EHMT1: variants seen among roughly 807,000 people sequenced by gnomAD.
EHMT1 encodes the protein histone-lysine N-methyltransferase EHMT1.
Under a neutral mutation model 147.2 loss-of-function variants are expected in EHMT1, and 15 were observed. That is an observed-to-expected ratio of 0.10 (90% CI 0.07 to 0.16). EHMT1 has a LOEUF of 0.16. Among genes scored for constraint, EHMT1 ranks in the 10% least tolerant of loss-of-function variants. EHMT1 has a pLI of 1.00. For synonymous variants in EHMT1, 795 were observed against 709.6 expected (o/e 1.12, Z -1.91); for missense variants, 1,587 against 1,772.4 (o/e 0.90, Z 1.88).
At position 137,816,437 on chromosome 9, in the gene EHMT1, C is replaced by T. The variant is rs2132768044; in HGVS notation, c.3374+375C>T. The T allele has an allele frequency of 8.6e-6, 3 of 349,818 alleles. No individual in the cohort carries two copies. In the East Asian group the frequency reaches 2.2e-4, roughly 26 times the overall value. 21.7% of individuals were successfully genotyped at this position (349,818 alleles called of 1,614,324 possible). A position where few individuals can be genotyped will look rare whatever the true frequency, so the allele number is the denominator to read the frequency against. ...ACTCCAGTCATTTTCTAAATATTCT[C>T]TGTTCTCTGGGCTTCCCTAACAGTG... On this transcript the variant is annotated intron_variant, in intron 23 of 26. Transcript: ENST00000460843.
intron 1 of EHMT1, among the ~76,000 whole-genome samples, chr9:137,650,000 T>G (rs1429175443): frequency 6.6e-6 from 1 of 152,212 alleles, no homozygotes; most frequent in African/African-American, 2.4e-5. Context: ...GGACAACCTT[T>G]GAGGAACTGT....
intron 15 of EHMT1, among the ~76,000 whole-genome samples, chr9:137,783,148 G>A (rs1017953569): frequency 6.6e-6 from 1 of 152,238 alleles, no homozygotes; most frequent in Admixed American, 6.5e-5. Context: ...TTTGGTGCAT[G>A]TGCTGTGCCC....
At chr9:137,639,539 A>G (rs1326482086) in intron 1 of EHMT1, among the ~76,000 whole-genome samples, 1 of 152,032 alleles carries the variant, frequency 6.6e-6, no homozygotes, top group African/African-American at 2.4e-5. Flanking sequence ...GGGTGTTTTG[A>G]CACTTCTCTC....
intron 23 of EHMT1, chr9:137,816,522 C>T (rs917647499): frequency 3.3e-5 from 9 of 272,380 alleles, no homozygotes; most frequent in African/African-American, 1.3e-4. Context: ...TTGCTCAGGA[C>T]GCTCATGGAG....
Position 137,776,410 on chromosome 9 carries a change from G to T in EHMT1, c.1792-208G>T. 1.9e-6 allele frequency: 1 copy of T among 532,146 alleles called. No homozygotes were observed. The highest frequency in any genetic ancestry group is 2.0e-5 in the South Asian group (1 of 49,724). The allele number at this position is 532,146 out of a possible 1,614,324, so 33.0% of individuals were successfully genotyped here. On this transcript the variant is annotated intron_variant, in intron 11 of 26. Transcript: ENST00000460843. The surrounding 1 kb of genome is among the most constrained non-coding windows in gnomAD (Gnocchi z 4.4). ...GCCAAGTGACCTCTGTCTGGCTTCA[G>T]CTTCTTCTCTGTGGGGCGAGAGCAC...
At chr9:137,774,352 G>T (rs1950789324) in intron 10 of EHMT1, among the ~76,000 whole-genome samples, 1 of 150,682 alleles carries the variant, frequency 6.6e-6, no homozygotes, top group Non-Finnish European at 1.5e-5. Flanking sequence ...TGGCCCCCTG[G>T]ATCTGGTGGG....
chr9:137,636,637 A>G (rs1589066966), intron 1 of EHMT1, among the ~76,000 whole-genome samples: 1 of 152,016 alleles, frequency 6.6e-6, no homozygotes, highest in African/African-American at 2.4e-5. Flanking sequence ...GTTTGTCTCT[A>G]TCTGTTGACA....
intron 1 of EHMT1, among the ~76,000 whole-genome samples, chr9:137,645,382 G>A (rs538312310): frequency 6.8e-4 from 103 of 152,342 alleles, no homozygotes; most frequent in African/African-American, 2.4e-3. Context: ...ATCCATTCAT[G>A]TGTTCCTTAA....
intron 23 of EHMT1, chr9:137,817,119 T>C: frequency 2.3e-6 from 1 of 427,030 alleles, no homozygotes; most frequent in Non-Finnish European, 4.4e-6. Flanking sequence ...TCTCTAGTAT[T>C]AGCACCTCTG....
At chr9:137,661,205 C>T (rs1046676968) in intron 1 of EHMT1, among the ~76,000 whole-genome samples, 1 of 152,144 alleles carries the variant, frequency 6.6e-6, no homozygotes, top group Admixed American at 6.6e-5. Flanking sequence ...CAAGTGTTAA[C>T]ATTTTACCAC....
At chr9:137,719,789 T>C (rs1402835613) in intron 3 of EHMT1, among the ~76,000 whole-genome samples, 2 of 152,026 alleles carry the variant, frequency 1.3e-5, no homozygotes, top group Non-Finnish European at 2.9e-5. Context: ...CGTGTGTGGA[T>C]GTGTGGAAAC....
chr9:137,636,102 A>G (rs868783263), intron 1 of EHMT1, among the ~76,000 whole-genome samples: 1 of 151,780 alleles, frequency 6.6e-6, no homozygotes, highest in African/African-American at 2.4e-5. Context: ...TTGTATTTTT[A>G]GTAGAGATGG....
chr9:137,730,868 A>G (rs1346051659), intron 4 of EHMT1, among the ~76,000 whole-genome samples: 1 of 152,226 alleles, frequency 6.6e-6, no homozygotes, highest in Non-Finnish European at 1.5e-5. Context: ...AGAAAACAAA[A>G]TCAGTCATTA....
chr9:137,627,762 G>A (rs1843362599), intron 1 of EHMT1, among the ~76,000 whole-genome samples: 1 of 151,408 alleles, frequency 6.6e-6, no homozygotes, highest in South Asian at 2.1e-4. Flanking sequence ...GTGCAGTGGT[G>A]TGATCTCGGC....
chr9:137,732,177 G>C lies in EHMT1; in HGVS notation c.823+3648G>C, dbSNP rs1692750362. On this transcript the variant is annotated intron_variant, in intron 4 of 26. Coordinates refer to ENST00000460843, the MANE Select transcript of EHMT1 (RefSeq NM_024757.5). This position sits in a 1 kb window ranked among gnomAD's most constrained non-coding sequence, Gnocchi z 4.6. ...TCACACGGGGCAGCCGCCGACACCA[G>C]CGGAGGGCAGGAGGGCTACAGTGTT... 6.6e-6 allele frequency among the ~76,000 whole-genome samples: 1 copy of C among 152,244 alleles called. No individual in the cohort carries two copies. The highest frequency in any genetic ancestry group is 2.1e-4 in the South Asian group (1 of 4,838).
chr9:137,666,771 G>T (rs552703726), intron 1 of EHMT1, among the ~76,000 whole-genome samples: 1 of 152,342 alleles, frequency 6.6e-6, no homozygotes, highest in African/African-American at 2.4e-5. Flanking sequence ...GGAATGGTGA[G>T]GAGGGTAGAG....
intron 3 of EHMT1, among the ~76,000 whole-genome samples, chr9:137,726,606 C>T (rs1257345470): frequency 6.6e-6 from 1 of 152,128 alleles, no homozygotes; most frequent in African/African-American, 2.4e-5. Flanking sequence ...CTCTTCAAGA[C>T]CCTGCTTTCA....
At chr9:137,639,435 G>T (rs529441357) in intron 1 of EHMT1, among the ~76,000 whole-genome samples, 1 of 152,056 alleles carries the variant, frequency 6.6e-6, no homozygotes, top group East Asian at 1.9e-4. Flanking sequence ...CAGTACTGTC[G>T]AATTTTACAT....
chr9:137,744,676 G>T (rs1273626020), intron 6 of EHMT1, among the ~76,000 whole-genome samples: 1 of 152,260 alleles, frequency 6.6e-6, no homozygotes, highest in Non-Finnish European at 1.5e-5. Flanking sequence ...AGCTTGAAGT[G>T]CTGATTGGCG....
Sources: gnomAD v4.1 joint callset for allele counts (sites outside exome capture counted in the v4.1 genomes callset) on GRCh38, gnomAD v4.1.1 for gene constraint, Gnocchi (gnomAD v3.1) non-coding constraint, MANE v1.5 for transcripts, NCBI Gene and HGNC (gene_info 2026-07-23, HGNC 2026-07-21) for gene names.